RFFL: variants seen among roughly 807,000 people sequenced by gnomAD.
RFFL encodes E3 ubiquitin-protein ligase rififylin.
In RFFL, 16 loss-of-function variants were observed where a neutral mutation model predicts 40.4. The observed-to-expected ratio is 0.40, with a 90% CI of 0.27 to 0.60. RFFL has a LOEUF of 0.60. RFFL is among the 20% of genes least tolerant of loss of function. The pLI is 0.47. For synonymous variants in RFFL, 154 were observed against 167.9 expected (o/e 0.92, Z 0.64); for missense variants, 367 against 451.7 (o/e 0.81, Z 1.70).
intron 1 of RFFL, chr17:35,069,191 T>A: frequency 2.2e-6 from 1 of 455,010 alleles, no homozygotes; most frequent in Non-Finnish European, 4.4e-6. Flanking sequence ...ATACACACAC[T>A]CACATGCTCT....
chr17:35,080,435 A>T (rs2091398300), intron 1 of RFFL, among the ~76,000 whole-genome samples: 1 of 152,178 alleles, frequency 6.6e-6, no homozygotes, highest in African/African-American at 2.4e-5. Context: ...ACGTTGATTC[A>T]ATTGCCACTA....
At chr17:35,039,606 C>G (rs1466518046) in intron 1 of RFFL, among the ~76,000 whole-genome samples, 1 of 151,954 alleles carries the variant, frequency 6.6e-6, no homozygotes, top group Admixed American at 6.6e-5. Context: ...ATTTTGACCC[C>G]ACATTCTCCC....
intron 1 of RFFL, among the ~76,000 whole-genome samples, chr17:35,073,054 A>C (rs1192012128): frequency 1.3e-5 from 2 of 151,554 alleles, no homozygotes; most frequent in Admixed American, 6.6e-5. Context: ...AAAAAAAAAA[A>C]ACATGAAATT....
At chr17:35,025,196 T>C (rs1335051405) in intron 2 of RFFL, 1 of 152,236 alleles carries the variant, frequency 6.6e-6, no homozygotes, top group Non-Finnish European at 1.5e-5. Flanking sequence ...ATTTTAATCA[T>C]TGCCATGCTT....
At chr17:35,048,385 G>C (rs1428169750) in intron 1 of RFFL, among the ~76,000 whole-genome samples, 1 of 152,062 alleles carries the variant, frequency 6.6e-6, no homozygotes, top group African/African-American at 2.4e-5. Context: ...CTGGGCGACA[G>C]AGCGAGACTC....
At chr17:35,062,487 C>T (rs904473876) in intron 1 of RFFL, among the ~76,000 whole-genome samples, 1 of 152,118 alleles carries the variant, frequency 6.6e-6, no homozygotes, top group Admixed American at 6.6e-5. Flanking sequence ...TACTGAGAAC[C>T]TACTATGTGC....
At chr17:35,055,154 G>A (rs1022410301) in intron 1 of RFFL, among the ~76,000 whole-genome samples, 5 of 151,914 alleles carry the variant, frequency 3.3e-5, no homozygotes, top group African/African-American at 2.4e-5. Context: ...TCCTGACCTC[G>A]TGATCCACTT....
chr17:35,054,445 A>C (rs1229564414), intron 1 of RFFL, among the ~76,000 whole-genome samples: 2 of 152,176 alleles, frequency 1.3e-5, no homozygotes, highest in African/African-American at 4.8e-5. Context: ...GGCACATCTC[A>C]TACATGTGCA....
chr17:35,022,884 CAA>C (rs2091018269), intron 2 of RFFL, among the ~76,000 whole-genome samples: 1 of 152,244 alleles, frequency 6.6e-6, no homozygotes, highest in South Asian at 2.1e-4. Context: ...AGTTAGGCAA[CAA>C]GAGCGCCTGA....
At chr17:35,015,455 C>T (rs556044199) in intron 5 of RFFL, among the ~76,000 whole-genome samples, 1 of 152,350 alleles carries the variant, frequency 6.6e-6, no homozygotes, top group South Asian at 2.1e-4. Context: ...CTGTTCTGTT[C>T]CCCAGGTCCT....
chr17:35,044,325 C>T (rs2091184321), intron 1 of RFFL, among the ~76,000 whole-genome samples: 1 of 152,228 alleles, frequency 6.6e-6, no homozygotes, highest in Admixed American at 6.5e-5. Context: ...GCAATCCTAC[C>T]TGGGCCTCCC....
chr17:35,014,218 T>A (rs574252102), intron 6 of RFFL, among the ~76,000 whole-genome samples: 72 of 152,214 alleles, frequency 4.7e-4, no homozygotes, highest in Non-Finnish European at 7.1e-4. Context: ...AGCTGAGATA[T>A]ATAGCTTGTG....
intron 1 of RFFL, among the ~76,000 whole-genome samples, chr17:35,075,616 A>C (rs1433331095): frequency 6.6e-6 from 1 of 152,208 alleles, no homozygotes; most frequent in Non-Finnish European, 1.5e-5. Context: ...TTAACTACCA[A>C]AATAACAGCT....
intron 1 of RFFL, among the ~76,000 whole-genome samples, chr17:35,043,164 A>T (rs992222100): frequency 6.6e-6 from 1 of 152,156 alleles, no homozygotes. Flanking sequence ...GGTGGGGGGA[A>T]AAAAAGCTGT....
intron 5 of RFFL, among the ~76,000 whole-genome samples, chr17:35,015,435 G>A (rs1202694060): frequency 3.9e-5 from 6 of 152,222 alleles, no homozygotes; most frequent in Admixed American, 2.0e-4. Flanking sequence ...AAGTTCCCAC[G>A]TGGAGTCATC....
At chr17:35,050,437 T>C (rs184252006) in intron 1 of RFFL, among the ~76,000 whole-genome samples, 35 of 152,134 alleles carry the variant, frequency 2.3e-4, no homozygotes, top group East Asian at 7.8e-4. Context: ...TCTTGGCTCA[T>C]TGCTGCCTTG....
chr17:35,037,805 C>T (rs2091133130), intron 1 of RFFL, among the ~76,000 whole-genome samples: 1 of 152,114 alleles, frequency 6.6e-6, no homozygotes, highest in Non-Finnish European at 1.5e-5. Flanking sequence ...TGGCCCATCC[C>T]CTCTGAGCTT....
intron 2 of RFFL, among the ~76,000 whole-genome samples, chr17:35,023,111 C>T: frequency 6.6e-6 from 1 of 152,174 alleles, no homozygotes; most frequent in African/African-American, 2.4e-5. Context: ...CTGGAGGGCA[C>T]CCTCATTAAT....
At chr17:35,017,380 C>A (rs1246163535) in intron 4 of RFFL, 143 bp downstream of exon 4, 4 of 639,772 alleles carry the variant, frequency 6.3e-6, no homozygotes, top group African/African-American at 5.4e-5. Context: ...GGAACACTAA[C>A]ACTAAACCCT....
Sources: allele counts gnomAD v4.1 joint callset (sites outside exome capture counted in the v4.1 genomes callset), GRCh38; gene constraint gnomAD v4.1.1; transcripts MANE v1.5; gene names NCBI Gene and HGNC (gene_info 2026-07-23, HGNC 2026-07-21).